Variants in CAMK1 observed in about 807,000 individuals in gnomAD.
CAMK1 encodes the protein calcium/calmodulin dependent protein kinase I.
Under a neutral mutation model 49.1 loss-of-function variants are expected in CAMK1, and 39 were observed. The observed-to-expected ratio is 0.79, with a 90% CI of 0.62 to 1.04. The LOEUF (loss-of-function observed/expected upper bound fraction) is 1.04, where lower values mean the gene tolerates loss of function less well. Ranked by LOEUF, CAMK1 falls within the 50% of genes least tolerant of loss-of-function variation. The pLI, the probability that CAMK1 is intolerant of heterozygous loss-of-function variation, is 0.00. For missense variants in CAMK1, 457 were observed against 472.2 expected, an observed-to-expected ratio of 0.97 and a Z score of 0.30; for synonymous variants, 192 against 185.2, an observed-to-expected ratio of 1.04 and a Z score of -0.30.
intron 10 of CAMK1, chr3:9,759,239 A>G: frequency 1.2e-6 from 2 of 1,614,192 alleles, no homozygotes; most frequent in Non-Finnish European, 1.7e-6. Context: ...CATAGGCTGG[A>G]TCAGATGCCT....
At chr3:9,758,632 T>C (rs970388931) in intron 10 of CAMK1, 14 of 161,380 alleles carry the variant, frequency 8.7e-5, no homozygotes, top group Non-Finnish European at 2.7e-5. Flanking sequence ...TCCTGAGAGC[T>C]CTTTCTTTTT....
chr3:9,759,319 T>G, intron 10 of CAMK1, 169 bp downstream of exon 10: 5 of 1,574,682 alleles, frequency 3.2e-6, no homozygotes, highest in Non-Finnish European at 4.4e-6. Context: ...GAGAAGGTGT[T>G]GGGAGTGTTT....
rs745547044 is a variant in CAMK1, at chr3:9,757,712, C to G, written c.1030+17G>C. The stretch of plus-strand genomic sequence containing the variant: ...TTTGTGGACCACCCATGCCCTTCTG[C>G]AGAGCCCGCTCCTCACCCCCAGCCA... On this transcript the variant is annotated intron_variant, in intron 11 of 11. Transcript: ENST00000256460. This position sits in a 1 kb window ranked among gnomAD's most constrained non-coding sequence, Gnocchi z 4.5. 6.2e-7 allele frequency: 1 copy of G among 1,614,066 alleles called. No homozygotes were observed. The highest frequency in any genetic ancestry group is 1.1e-5 in the South Asian group (1 of 91,088).
At chr3:9,769,107 C>T (rs2125600668) in intron 1 of CAMK1, among the ~76,000 whole-genome samples, 1 of 152,140 alleles carries the variant, frequency 6.6e-6, no homozygotes, top group Non-Finnish European at 1.5e-5. Flanking sequence ...CAGACATCAG[C>T]ACACATGTCC....
At chr3:9,765,709 G>A in intron 3 of CAMK1, 50 bp downstream of exon 3, 1 of 1,597,508 alleles carries the variant, frequency 6.3e-7, no homozygotes, top group Non-Finnish European at 8.5e-7. Flanking sequence ...GAGGATGGGA[G>A]GGCCAAGGCA....
At chr3:9,761,942 A>C in intron 5 of CAMK1, 185 bp from the exon 6 acceptor site, 16 of 813,222 alleles carry the variant, frequency 2.0e-5, no homozygotes, top group Non-Finnish European at 2.8e-5. Flanking sequence ...GACAAGGCTC[A>C]AGAGGGTGTG....
intron 2 of CAMK1, 192 bp from the exon 3 acceptor site, chr3:9,766,082 C>A (rs201354453): frequency 4.9e-5 from 75 of 1,534,926 alleles, no homozygotes; most frequent in Non-Finnish European, 6.4e-5. Flanking sequence ...AGTAGTCTCT[C>A]CCCTGGCCAC....
chr3:9,765,872 C>T lies in CAMK1; in HGVS notation c.102G>A (p.Val34=), dbSNP rs1308774002. 1.2e-6 allele frequency: 2 copies of T among 1,614,058 alleles called. No individual in the cohort carries two copies. Among genetic ancestry groups the T allele is most frequent in the African/African-American group, 1.3e-5 (1 of 75,056 alleles). The part of the protein sequence containing the change: ...DVLGTGAFSE[V]ILAEDKRTQK... ...GCGTCCTCTTATCTTCTGCCAGGAT[C>T]ACCTCCGAGAAGGCCCCCCTATCGG... The change falls in exon 3 of 12, where the codon GTG becomes GTA. Residue 34 remains valine (V), a synonymous_variant. Coordinates refer to ENST00000256460, the MANE Select transcript of CAMK1 (RefSeq NM_003656.5).
intron 6 of CAMK1, 34 bp downstream of exon 6, chr3:9,761,597 C>T (rs746247676): frequency 6.2e-7 from 1 of 1,613,756 alleles, no homozygotes; most frequent in Non-Finnish European, 8.5e-7. Flanking sequence ...TGGTTCCCCC[C>T]ACCATCACAG....
chr3:9,767,054 C>T (rs2078174972), intron 2 of CAMK1, among the ~76,000 whole-genome samples: 1 of 152,134 alleles, frequency 6.6e-6, no homozygotes, highest in Non-Finnish European at 1.5e-5. Context: ...TAGAACCATG[C>T]CTCTAAGCCT....
At chr3:9,760,616 AG>A in intron 8 of CAMK1, 39 bp downstream of exon 8, 2 of 1,609,016 alleles carry the variant, frequency 1.2e-6, no homozygotes, top group Non-Finnish European at 1.7e-6. Context: ...GGGAGGAACC[AG>A]AGGCAGGGCC....
At chr3:9,768,469 G>T (rs1299883813) in intron 1 of CAMK1, among the ~76,000 whole-genome samples, 1 of 152,208 alleles carries the variant, frequency 6.6e-6, no homozygotes, top group Non-Finnish European at 1.5e-5. Context: ...GCTGAGGTCT[G>T]TCTCATCCAG....
At position 9,765,947 on chromosome 3, in the gene CAMK1, C is replaced by T. The variant is rs1330854426; in HGVS notation, c.84-57G>A. ...ACTGGAACCCCAGCTTCCCTCCAGC[C>T]TCTCCTCCATTCCCTATGGGTTCTG... On this transcript the variant is annotated intron_variant, in intron 2 of 11. Transcript: ENST00000256460. 3.7e-6 allele frequency: 6 copies of T among 1,614,094 alleles called. No homozygotes were observed. The Admixed American group carries it at 1.0e-4, about 27-fold the overall frequency.
chr3:9,759,209 T>A, intron 10 of CAMK1: 1 of 1,614,090 alleles, frequency 6.2e-7, no homozygotes, highest in Non-Finnish European at 8.5e-7. Flanking sequence ...ATCACCACTT[T>A]TATGACCTTT....
chr3:9,763,343 T>G, intron 3 of CAMK1, 130 bp from the exon 4 acceptor site: 4 of 1,050,630 alleles, frequency 3.8e-6, no homozygotes, highest in Non-Finnish European at 5.6e-6. Context: ...CAGTCTGTTA[T>G]GATTGCACCT....
chr3:9,764,545 C>G (rs1207430742), intron 3 of CAMK1, among the ~76,000 whole-genome samples: 2 of 151,168 alleles, frequency 1.3e-5, no homozygotes, highest in East Asian at 2.0e-4. Context: ...CTCCCCACCT[C>G]AGGTGATCTG....
In CAMK1 at chr3:9,760,733, T is replaced by G; in HGVS notation, c.668A>C (p.Asp223Ala). The G allele has an allele frequency of 1.2e-6, 2 of 1,614,048 alleles. No homozygotes were observed. The highest frequency in any genetic ancestry group is 1.7e-6 in the Non-Finnish European group (2 of 1,179,962). The change falls in exon 8 of 12, where the codon GAT (aspartate) becomes GCT (alanine). Residue 223 changes from aspartate (D) to alanine (A), a missense_variant. Transcript: ENST00000256460. The stretch of plus-strand genomic sequence containing the variant: ...CAAAATCTGTTCAAAGAGTTTGGCA[T>G]CATTCTCGTCATAGAAGGGAGGGTA... Reference protein sequence around the residue: ...CGYPPFYDENDAKLFEQILKA... With the variant: ...CGYPPFYDENAAKLFEQILKA...
At chr3:9,761,007 A>G in intron 7 of CAMK1, 1 of 496,188 alleles carries the variant, frequency 2.0e-6, no homozygotes, top group Non-Finnish European at 3.5e-6. Flanking sequence ...TGCCTATGCC[A>G]CTCTTTCCCC....
intron 8 of CAMK1, chr3:9,760,224 CAG>C (rs1402114605): frequency 5.7e-6 from 1 of 175,486 alleles, no homozygotes; most frequent in Non-Finnish European, 1.2e-5. Context: ...GCCTGGGCAA[CAG>C]AGCGAGACTG....
Sources: allele counts gnomAD v4.1 joint callset (sites outside exome capture counted in the v4.1 genomes callset), GRCh38; gene constraint gnomAD v4.1.1; non-coding constraint Gnocchi (gnomAD v3.1); transcripts MANE v1.5; gene names NCBI Gene and HGNC (gene_info 2026-07-23, HGNC 2026-07-21).